The following MROH2B variants were observed in gnomAD, a reference collection of about 807,000 sequenced individuals.
MROH2B encodes maestro heat like repeat family member 2B, also known as maestro heat-like repeat-containing protein family member 2B.
Under a neutral mutation model 208.6 loss-of-function variants are expected in MROH2B, and 177 were observed. The ratio of observed to expected loss-of-function variants is 0.85; its 90% CI spans 0.75 to 0.96. The LOEUF (loss-of-function observed/expected upper bound fraction) is 0.96, where lower values mean the gene tolerates loss of function less well. Ranked by LOEUF, MROH2B falls within the 40% of genes least tolerant of loss-of-function variation. MROH2B has a pLI of 0.00. For missense variants in MROH2B, 2,002 were observed against 1,878.7 expected, an observed-to-expected ratio of 1.07 and a Z score of -1.21; for synonymous variants, 728 against 659.0, an observed-to-expected ratio of 1.10 and a Z score of -1.60.
At chr5:41,043,769 G>A (rs1285522805) in intron 18 of MROH2B, among the ~76,000 whole-genome samples, 1 of 152,100 alleles carries the variant, frequency 6.6e-6, no homozygotes, top group Non-Finnish European at 1.5e-5. Context: ...GTGAATCTGG[G>A]CTGGCTTTTT....
At chr5:41,022,120 G>A (rs1216203616) in intron 24 of MROH2B, among the ~76,000 whole-genome samples, 1 of 152,184 alleles carries the variant, frequency 6.6e-6, no homozygotes, top group Non-Finnish European at 1.5e-5. Context: ...CTCCCAGCAT[G>A]AGTGACGCAG....
chr5:41,045,996 G>T, intron 17 of MROH2B, 143 bp from the exon 18 acceptor site: 1 of 451,088 alleles, frequency 2.2e-6, no homozygotes, highest in Non-Finnish European at 3.8e-6. Context: ...TAATTCCTTC[G>T]AAACTTTCCT....
intron 24 of MROH2B, 41 bp from the exon 25 acceptor site, chr5:41,019,059 C>T: frequency 6.2e-7 from 1 of 1,611,476 alleles, no homozygotes; most frequent in South Asian, 1.1e-5. Flanking sequence ...ATTACAGTGA[C>T]CATCAGAACA....
In MROH2B at chr5:40,998,120, G is replaced by T; in HGVS notation, c.4690C>A (p.Gln1564Lys). 1.2e-6 allele frequency: 2 copies of T among 1,612,484 alleles called. No individual in the cohort carries two copies. Among genetic ancestry groups the T allele is most frequent in the South Asian group, 2.2e-5 (2 of 91,006 alleles). ...ALRQDPCISV[Q>K]RAAEAALQTL... ...TGCAAAGCAGCCTCAGCTGCTCTCT[G>T]GACACTAATACACGGATCTTGACGA... Residue 1564 changes from glutamine (Q) to lysine (K), a missense_variant, in exon 42 of 42, where the codon CAG becomes AAG. Transcript: ENST00000399564.
At chr5:41,067,587 C>T (rs1360135158) in intron 2 of MROH2B, among the ~76,000 whole-genome samples, 1 of 152,008 alleles carries the variant, frequency 6.6e-6, no homozygotes. Flanking sequence ...ACGCTGGTCT[C>T]GAACTCCTGA....
At chr5:41,067,932 G>A (rs1004222379) in intron 2 of MROH2B, among the ~76,000 whole-genome samples, 2 of 152,146 alleles carry the variant, frequency 1.3e-5, no homozygotes, top group African/African-American at 2.4e-5. Flanking sequence ...CTCCCCAAGA[G>A]GCTGCTAGGC....
intron 12 of MROH2B, among the ~76,000 whole-genome samples, chr5:41,051,829 A>C (rs1561301615): frequency 6.6e-6 from 1 of 152,200 alleles, no homozygotes; most frequent in Non-Finnish European, 1.5e-5. Flanking sequence ...TTTCCTTTCT[A>C]TATGGTGTTT....
intron 16 of MROH2B, among the ~76,000 whole-genome samples, chr5:41,048,030 A>G (rs988449803): frequency 2.0e-5 from 3 of 152,192 alleles, no homozygotes; most frequent in African/African-American, 7.2e-5. Context: ...AACATGATTA[A>G]TAACTTTTTA....
chr5:41,036,332 T>G (rs554540429), intron 21 of MROH2B, among the ~76,000 whole-genome samples: 1 of 151,372 alleles, frequency 6.6e-6, no homozygotes, highest in South Asian at 2.1e-4. Flanking sequence ...TAAGGGGGAG[T>G]TTCCCTGCAC....
In MROH2B at chr5:41,008,734, T is replaced by G. The variant is rs1741675100; in HGVS notation, c.3480A>C (p.Pro1160=). The change falls in exon 33 of 42, where the codon CCA becomes CCC. Residue 1160 remains proline (P), a synonymous_variant. Transcript: ENST00000399564. ...SMGTSVTGLY[P]ELFTLLLKLV... is the part of the protein sequence containing the mutation. ...GCTTCAGGAGGAGAGTGAACAGCTC[T>G]GGATACAAGCCGGTGACAGAGGTGC... The G allele has an allele frequency of 1.2e-6, 2 of 1,613,704 alleles. No individual in the cohort carries two copies. Among genetic ancestry groups the G allele is most frequent in the Non-Finnish European group, 1.7e-6 (2 of 1,179,786 alleles).
intron 4 of MROH2B, among the ~76,000 whole-genome samples, chr5:41,064,789 A>G (rs1013198867): frequency 6.6e-6 from 1 of 152,210 alleles, no homozygotes; most frequent in Non-Finnish European, 1.5e-5. Flanking sequence ...GGTTCTAGCT[A>G]CACAGCCACT....
chr5:41,018,488 A>G (rs1278321937), intron 26 of MROH2B, 58 bp from the exon 27 acceptor site: 4 of 1,556,076 alleles, frequency 2.6e-6, no homozygotes, highest in Middle Eastern at 1.7e-4. Context: ...ATCTAGTTTC[A>G]TATTCTCTTT....
Position 41,000,764 on chromosome 5 carries a change from A to G in MROH2B, c.4264T>C (p.Trp1422Arg), listed in dbSNP as rs1305988269. ...ATTTCTTCAGCAAAAAAAATCTTCCACCTTCTTCCTGTTAGGGGTGCCAGG... is the reference window on the plus strand; with the variant it reads ...ATTTCTTCAGCAAAAAAAATCTTCCGCCTTCTTCCTGTTAGGGGTGCCAGG... Reference protein sequence around the residue: ...EDLAPLTGRRWKIFFAEEIKK... With the variant: ...EDLAPLTGRRRKIFFAEEIKK... Residue 1422 changes from tryptophan (W) to arginine (R), a missense_variant, in exon 38 of 42, where the codon TGG (tryptophan) becomes CGG (arginine). Trp to Arg is a moderately radical substitution (Grantham distance 101, BLOSUM62 -3). Transcript: ENST00000399564. 4 of 1,610,906 alleles carry G rather than the reference A, an allele frequency of 2.5e-6. No homozygotes were observed. In the African/African-American group the frequency reaches 5.3e-5, roughly 22 times the overall value.
At chr5:41,000,383 A>G in intron 38 of MROH2B, 32 bp from the exon 39 acceptor site, 9 of 1,608,934 alleles carry the variant, frequency 5.6e-6, no homozygotes, top group East Asian at 2.2e-5. Flanking sequence ...ATCACAGTCC[A>G]GAACGTTAGG....
In MROH2B at chr5:41,054,791, G is replaced by A. The variant is rs575189911; in HGVS notation, c.1083C>T (p.Ile361=). The A allele has an allele frequency of 5.0e-6, 8 of 1,611,510 alleles. No homozygotes were observed. The highest frequency in any genetic ancestry group is 2.2e-5 in the South Asian group (2 of 90,504). Residue 361 remains isoleucine (I), a synonymous_variant, in exon 11 of 42, where the codon ATC becomes ATT. Transcript: ENST00000399564. ...HIISIERTVK[I]VMGDLSTKVR... ...CTTTTGTACTGAGATCACCCATGAC[G>A]ATTTTGACTGTTCTTTCTATTGAAA...
rs906067176 is a variant in MROH2B, at chr5:41,010,196, T to C, written c.3136-117A>G. The C allele has an allele frequency of 3.2e-6, 3 of 926,048 alleles. No homozygotes were observed. The Admixed American group carries it at 9.0e-5, about 28-fold the overall frequency. 57.4% of individuals were successfully genotyped at this position (926,048 alleles called of 1,614,324 possible). A position where few individuals can be genotyped will look rare whatever the true frequency, so the allele number is the denominator to read the frequency against. ...GATGAATTCTAAATAATGTTAAAAA[T>C]AATAATTGATTTCACATGTGGCCTA... On this transcript the variant is annotated intron_variant, in intron 30 of 41. Coordinates refer to ENST00000399564, the MANE Select transcript of MROH2B (RefSeq NM_173489.5).
intron 9 of MROH2B, 152 bp downstream of exon 9, chr5:41,056,957 G>T: frequency 1.3e-6 from 1 of 773,636 alleles, no homozygotes. Context: ...GTGGGGAGAG[G>T]GGCAGGCACA....
In MROH2B at chr5:41,039,474, C is replaced by T. The variant is rs1030871074; in HGVS notation, c.2035G>A (p.Glu679Lys). The change falls in exon 20 of 42, where the codon GAA becomes AAA. Residue 679 changes from glutamate to lysine, a missense_variant. Transcript: ENST00000399564. ...LKVLKTFQNQ[E>K]KFFMNRCKSL... is the part of the protein sequence containing the mutation. ...TTACATCGATTCATGAAAAACTTTT[C>T]CTGATTTTGGAATGTTTTAAGAACT... 6.2e-7 allele frequency: 1 copy of T among 1,600,450 alleles called. No individual in the cohort carries two copies. The highest frequency in any genetic ancestry group is 1.7e-5 in the Admixed American group (1 of 58,530).
In MROH2B at chr5:41,004,812, G is replaced by A. The variant is rs1433702767; in HGVS notation, c.3973C>T (p.Arg1325Ter). Residue 1325 changes from arginine to a stop codon, truncating the protein, a stop_gained, in exon 36 of 42, where the codon CGA (arginine) becomes TGA (stop). Transcript: ENST00000399564. LOFTEE classifies it high-confidence loss of function. ...CCGGATGCTGTGTTGCCGAGCCCTC[G>A]GATGGCCATCTGCCTCAGAGTGGCG... ...SNATLRQMAIRGLGNTASGAP... is the reference protein window; with the variant it reads ...SNATLRQMAI 4 of 1,613,796 alleles carry A rather than the reference G, an allele frequency of 2.5e-6. No homozygotes were observed. In the South Asian group the frequency reaches 4.4e-5, roughly 18 times the overall value.
Sources: allele counts gnomAD v4.1 joint callset (sites outside exome capture counted in the v4.1 genomes callset), GRCh38; gene constraint gnomAD v4.1.1; transcripts MANE v1.5; gene names NCBI Gene and HGNC (gene_info 2026-07-23, HGNC 2026-07-21).